Variants in CDK5RAP2 observed in about 807,000 individuals in gnomAD.
The protein encoded by CDK5RAP2 is CDK5 regulatory subunit associated protein 2.
A neutral mutation model predicts 232.9 loss-of-function variants in CDK5RAP2; 147 were observed. The observed-to-expected ratio is 0.63, with a 90% CI of 0.55 to 0.72. CDK5RAP2 has a LOEUF of 0.72. Ranked by LOEUF, CDK5RAP2 falls within the 30% of genes least tolerant of loss-of-function variation. The pLI is 0.00. For synonymous variants in CDK5RAP2, 833 were observed against 833.7 expected (o/e 1.00, Z 0.01); for missense variants, 2,195 against 2,231.5 (o/e 0.98, Z 0.33).
At chr9:120,530,225 T>C (rs1031046303) in intron 7 of CDK5RAP2, 85 bp from the exon 8 acceptor site, 1 of 981,278 alleles carries the variant, frequency 1.0e-6, no homozygotes, top group Non-Finnish European at 1.6e-6. Context: ...TGGGGCCAGA[T>C]ATCTTCAAAG....
intron 7 of CDK5RAP2, among the ~76,000 whole-genome samples, chr9:120,533,696 G>A (rs1399848262): frequency 6.6e-6 from 1 of 151,560 alleles, no homozygotes; most frequent in Non-Finnish European, 1.5e-5. Context: ...TGCTCAGGAG[G>A]CTGAGGTAAG....
At chr9:120,448,939 A>ACATTTACTTTTGCC (rs2036344313) in intron 21 of CDK5RAP2, among the ~76,000 whole-genome samples, 1 of 152,160 alleles carries the variant, frequency 6.6e-6, no homozygotes, top group South Asian at 2.1e-4. Context: ...TGGTCTCCAC[A>ACATTTACTTTTGCC]CATTTACTTT....
chr9:120,547,590 C>T (rs893745990), intron 4 of CDK5RAP2, among the ~76,000 whole-genome samples: 10 of 151,616 alleles, frequency 6.6e-5, no homozygotes, highest in Admixed American at 1.3e-4. Context: ...GGCGACAGAG[C>T]GAGACTCCAT....
chr9:120,415,252 G>A lies in CDK5RAP2; in HGVS notation c.4178-93C>T, dbSNP rs911810174. ...TGCAGGGATCCTGAAATTCCAAACA[G>A]TATTGGATGTGTTAAGATGGTTAGC... On this transcript the variant is annotated intron_variant, in intron 27 of 37. Coordinates refer to ENST00000349780, the MANE Select transcript of CDK5RAP2 (RefSeq NM_018249.6). 4 of 1,428,172 alleles carry A rather than the reference G, an allele frequency of 2.8e-6. No homozygotes were observed. In the African/African-American group the frequency reaches 5.6e-5, roughly 20 times the overall value. The allele number at this position is 1,428,172 out of a possible 1,614,324, so 88.5% of individuals were successfully genotyped here. A position where few individuals can be genotyped will look rare whatever the true frequency, so the allele number is the denominator to read the frequency against.
intron 27 of CDK5RAP2, among the ~76,000 whole-genome samples, chr9:120,419,165 G>C (rs192924225): frequency 4.8e-4 from 73 of 152,288 alleles, no homozygotes; most frequent in African/African-American, 1.7e-3. Context: ...CTGCAACCTG[G>C]AAGAAGGCCC....
In CDK5RAP2 at chr9:120,460,369, T is replaced by C. The variant is rs16909798; in HGVS notation, c.2202+203A>G. ...TTTTATTTGCAAGTTTATGCTCGTT[T>C]TCATGTTTCATGACTGGCTCTGTCA... On this transcript the variant is annotated intron_variant, in intron 19 of 37. Transcript: ENST00000349780. Among the ~76,000 whole-genome samples, 4,092 of 152,322 alleles carry C rather than the reference T, an allele frequency of 0.027. 185 individuals carry two copies. Among genetic ancestry groups the C allele is most frequent in the African/African-American group, 0.092 (3,844 of 41,558 alleles).
chr9:120,443,582 T>C (rs945005043), intron 23 of CDK5RAP2, 38 bp downstream of exon 23: 7 of 1,611,622 alleles, frequency 4.3e-6, no homozygotes, highest in Admixed American at 3.3e-5. Context: ...GCCTGGCACA[T>C]GGAAGCTGTT....
chr9:120,488,199 T>C (rs1331893744), intron 13 of CDK5RAP2, among the ~76,000 whole-genome samples: 1 of 152,236 alleles, frequency 6.6e-6, no homozygotes, highest in East Asian at 1.9e-4. Context: ...ATCTTATTCC[T>C]AAGCACCTAG....
chr9:120,420,022 G>A (rs2034473374), intron 26 of CDK5RAP2, 62 bp from the exon 27 acceptor site: 1 of 1,350,564 alleles, frequency 7.4e-7, no homozygotes, highest in Admixed American at 1.7e-5. Flanking sequence ...CCAGGACTAT[G>A]ACTTACGAAT....
rs761155823 is a variant in CDK5RAP2, at chr9:120,491,344, A to G, written c.1445T>C (p.Leu482Pro). ...LHNQEQVIKH[L>P]TESTNQKDVL... is the part of the protein sequence containing the mutation. ...GTCCTTCTGATTGGTACTTTCTGTT[A>G]GATGTTTGATCACTTGCTCTTGATT... The change falls in exon 13 of 38, where the codon CTA becomes CCA. Residue 482 changes from leucine (L) to proline (P), a missense_variant. Leu to Pro is a moderately conservative substitution (Grantham distance 98, BLOSUM62 -3). Coordinates refer to ENST00000349780, the MANE Select transcript of CDK5RAP2 (RefSeq NM_018249.6). The G allele has an allele frequency of 4.3e-6, 7 of 1,613,678 alleles. No individual in the cohort carries two copies. The South Asian group carries it at 7.7e-5, about 18-fold the overall frequency.
rs144012972 is a variant in CDK5RAP2, at chr9:120,419,926, G to C, written c.4039C>G (p.Leu1347Val). ...GCTGAAGGCTCAGGAGATTCAGGCA[G>C]AAGATGTTGGTAGGTTAAGTTGTCT... is the stretch of plus-strand genomic sequence containing the variant. Reference protein sequence around the residue: ...EEDNLTYQHLLPESPEPSASH... With the variant: ...EEDNLTYQHLVPESPEPSASH... Residue 1347 changes from leucine (L) to valine (V), a missense_variant, in exon 27 of 38, where the codon CTG becomes GTG. Leu to Val is a conservative substitution (Grantham distance 32). Coordinates refer to ENST00000349780, the MANE Select transcript of CDK5RAP2 (RefSeq NM_018249.6). 138 of 1,614,036 alleles carry C rather than the reference G, an allele frequency of 8.6e-5. No homozygotes were observed. In the African/African-American group the frequency reaches 1.7e-3, roughly 20 times the overall value.
At chr9:120,429,562 G>A (rs1013144239) in intron 25 of CDK5RAP2, among the ~76,000 whole-genome samples, 7 of 152,128 alleles carry the variant, frequency 4.6e-5, no homozygotes, top group Non-Finnish European at 4.4e-5. Context: ...GGGACGTGAA[G>A]GACCTCTTCA....
chr9:120,404,212 C>G lies in CDK5RAP2; in HGVS notation c.4964-99G>C, dbSNP rs796573701. 16 of 788,244 alleles carry G rather than the reference C, an allele frequency of 2.0e-5. No homozygotes were observed. The African/African-American group carries it at 2.5e-4, about 13-fold the overall frequency. The allele number at this position is 788,244 out of a possible 1,614,324, so 48.8% of individuals were successfully genotyped here. A position where few individuals can be genotyped will look rare whatever the true frequency, so the allele number is the denominator to read the frequency against. On this transcript the variant is annotated intron_variant, in intron 32 of 37. Transcript: ENST00000349780. ...AGTCAAGCCCCTCACATTCACTTATCCATACACACACAGCATTCCTTCAAA... is the reference window on the plus strand; with the variant it reads ...AGTCAAGCCCCTCACATTCACTTATGCATACACACACAGCATTCCTTCAAA...
intron 25 of CDK5RAP2, among the ~76,000 whole-genome samples, chr9:120,423,713 T>C (rs1035778846): frequency 1.3e-5 from 2 of 152,136 alleles, no homozygotes; most frequent in Non-Finnish European, 2.9e-5. Context: ...AAAAACAAAC[T>C]CTTCTACAGT....
At chr9:120,529,356 G>C (rs995915526) in intron 8 of CDK5RAP2, among the ~76,000 whole-genome samples, 1 of 152,222 alleles carries the variant, frequency 6.6e-6, no homozygotes, top group Non-Finnish European at 1.5e-5. Context: ...TGGGGAGGCC[G>C]CCTAGGGCGG....
intron 2 of CDK5RAP2, among the ~76,000 whole-genome samples, chr9:120,570,765 C>T (rs191372320): frequency 3.3e-5 from 5 of 151,634 alleles, no homozygotes; most frequent in African/African-American, 9.7e-5. Flanking sequence ...CTTGAACCCA[C>T]GAGGCGGAGG....
intron 31 of CDK5RAP2, chr9:120,407,507 C>G: frequency 1.9e-6 from 1 of 528,576 alleles, no homozygotes; most frequent in Non-Finnish European, 3.4e-6. Context: ...GCACACCAAA[C>G]CCCGAAATTA....
intron 14 of CDK5RAP2, among the ~76,000 whole-genome samples, chr9:120,485,267 T>C (rs983913582): frequency 1.1e-4 from 16 of 150,946 alleles, no homozygotes; most frequent in African/African-American, 3.9e-4. Flanking sequence ...AATAAATCTA[T>C]AAACATTTTG....
At chr9:120,444,477 G>A (rs2036076214) in intron 22 of CDK5RAP2, among the ~76,000 whole-genome samples, 1 of 152,200 alleles carries the variant, frequency 6.6e-6, no homozygotes, top group Non-Finnish European at 1.5e-5. Flanking sequence ...TACCCCCAGT[G>A]CATGAGGCTG....
Sources: gnomAD v4.1 joint callset for allele counts (sites outside exome capture counted in the v4.1 genomes callset) on GRCh38, gnomAD v4.1.1 for gene constraint, MANE v1.5 for transcripts, NCBI Gene and HGNC (gene_info 2026-07-23, HGNC 2026-07-21) for gene names.